NTM: variants seen among roughly 807,000 people sequenced by gnomAD.
NTM encodes neurotrimin, also known as IgLON family member 2.
Under a neutral mutation model 42.1 loss-of-function variants are expected in NTM, and 13 were observed. The observed-to-expected ratio is 0.31, with a 90% CI of 0.20 to 0.49. The LOEUF is 0.49. NTM is among the 20% of genes least tolerant of loss of function. The pLI, the probability that NTM is intolerant of heterozygous loss-of-function variation, is 0.99. For synonymous variants in NTM, 187 were observed against 179.2 expected (o/e 1.04, Z -0.35); for missense variants, 373 against 452.8 (o/e 0.82, Z 1.60).
At chr11:132,058,682 A>T (rs2080123625) in intron 2 of NTM, among the ~76,000 whole-genome samples, 1 of 152,200 alleles carries the variant, frequency 6.6e-6, no homozygotes, top group East Asian at 1.9e-4. Context: ...AGAAAGGAAG[A>T]GAAGATTTTA....
At chr11:131,448,230 T>C (rs1950215176) in intron 1 of NTM, among the ~76,000 whole-genome samples, 1 of 152,218 alleles carries the variant, frequency 6.6e-6, no homozygotes, top group African/African-American at 2.4e-5. Context: ...TTGCCCTGAG[T>C]GAGGGGTTGG....
chr11:131,610,222 T>C (rs565848692), intron 1 of NTM, among the ~76,000 whole-genome samples: 2 of 151,830 alleles, frequency 1.3e-5, no homozygotes, highest in South Asian at 4.2e-4. Context: ...AAGGGCGGAG[T>C]AAATGGAGTG....
intron 2 of NTM, among the ~76,000 whole-genome samples, chr11:131,965,029 G>T (rs112073316): frequency 6.6e-6 from 1 of 152,168 alleles, no homozygotes; most frequent in East Asian, 1.9e-4. Context: ...GGAGGATTAC[G>T]CTGGAACCTG....
intron 2 of NTM, among the ~76,000 whole-genome samples, chr11:132,093,617 T>C (rs2060621760): frequency 6.6e-6 from 1 of 152,222 alleles, no homozygotes; most frequent in Non-Finnish European, 1.5e-5. Context: ...CATTGTACCC[T>C]GAAATTCTCT....
intron 1 of NTM, among the ~76,000 whole-genome samples, chr11:131,393,572 C>G (rs1352617331): frequency 6.6e-6 from 1 of 152,204 alleles, no homozygotes; most frequent in East Asian, 1.9e-4. Flanking sequence ...GTGCTTCTTT[C>G]CTGGCCCCGT....
At chr11:132,236,778 A>G (rs1299974042) in intron 4 of NTM, among the ~76,000 whole-genome samples, 1 of 152,216 alleles carries the variant, frequency 6.6e-6, no homozygotes, top group Admixed American at 6.5e-5. Context: ...GTGGCAGTCT[A>G]ATCTCCCGGC....
intron 2 of NTM, among the ~76,000 whole-genome samples, chr11:131,988,492 C>T (rs2066451965): frequency 6.6e-6 from 1 of 152,176 alleles, no homozygotes. Flanking sequence ...TACAATGGAG[C>T]TATCCTTTGT....
chr11:132,307,833 C>G lies in NTM; in HGVS notation c.661+10C>G. On this transcript the variant is annotated intron_variant, in intron 5 of 8. Coordinates refer to ENST00000683400, the MANE Select transcript of NTM (RefSeq NM_001352005.2). Reference sequence around the variant, plus strand: ...AAGGTCACCGTGAACTGTAAGTGTTCTCACCACCACGCGCCCTGCACGTGC... The same window carrying G: ...AAGGTCACCGTGAACTGTAAGTGTTGTCACCACCACGCGCCCTGCACGTGC... 3 of 1,613,758 alleles carry G rather than the reference C, an allele frequency of 1.9e-6. No homozygotes were observed. Among genetic ancestry groups the G allele is most frequent in the Non-Finnish European group, 2.5e-6 (3 of 1,179,814 alleles).
At chr11:131,586,942 C>T (rs1054315281) in intron 1 of NTM, among the ~76,000 whole-genome samples, 3 of 152,124 alleles carry the variant, frequency 2.0e-5, no homozygotes, top group Admixed American at 1.3e-4. Flanking sequence ...AGGCAATCTA[C>T]TATATCAAAT....
At chr11:132,143,869 C>T (rs2069718333) in intron 2 of NTM, among the ~76,000 whole-genome samples, 1 of 152,146 alleles carries the variant, frequency 6.6e-6, no homozygotes, top group Admixed American at 6.5e-5. Context: ...AGGGAAGGTA[C>T]ACCCTTAGGT....
At chr11:131,814,299 A>G (rs2092858905) in intron 1 of NTM, among the ~76,000 whole-genome samples, 1 of 151,952 alleles carries the variant, frequency 6.6e-6, no homozygotes, top group South Asian at 2.1e-4. Flanking sequence ...CTGAATGCCT[A>G]GTTTACTTCC....
chr11:132,330,192 A>ATAT lies in NTM; in HGVS notation c.967+9_967+11dup. The ATAT allele has an allele frequency of 6.4e-7, 1 of 1,551,590 alleles. No homozygotes were observed. The highest frequency in any genetic ancestry group is 1.4e-5 in the African/African-American group (1 of 73,158). On this transcript the variant is annotated splice_region_variant and intron_variant, in intron 8 of 8. Transcript: ENST00000683400. Reference sequence around the variant, plus strand: ...GCCCTGACCCCTTGGAAAGGTTTGTATATTTTTCAGACAGCTGCTGCCTTG... The same window carrying ATAT: ...GCCCTGACCCCTTGGAAAGGTTTGTATATTATTTTTCAGACAGCTGCTGCCTTG...
intron 4 of NTM, among the ~76,000 whole-genome samples, chr11:132,283,806 G>T (rs1256349190): frequency 5.3e-5 from 8 of 152,102 alleles, no homozygotes; most frequent in Non-Finnish European, 7.3e-5. Flanking sequence ...TTCAATGGGG[G>T]GCTTTAGAGG....
At chr11:131,818,918 C>T (rs755640236) in intron 1 of NTM, among the ~76,000 whole-genome samples, 1 of 152,188 alleles carries the variant, frequency 6.6e-6, no homozygotes, top group Non-Finnish European at 1.5e-5. Context: ...GGTTGTTCTG[C>T]ATGAGTTCTG....
chr11:132,058,492 A>G (rs1594204238), intron 2 of NTM, among the ~76,000 whole-genome samples: 1 of 152,158 alleles, frequency 6.6e-6, no homozygotes, highest in African/African-American at 2.4e-5. Context: ...TCCCACTGCA[A>G]TGAGATGACT....
intron 1 of NTM, among the ~76,000 whole-genome samples, chr11:131,559,584 A>G (rs920959339): frequency 2.6e-5 from 4 of 152,220 alleles, no homozygotes; most frequent in African/African-American, 7.2e-5. Context: ...TTCAAAGGTC[A>G]TTATACCTGA....
intron 1 of NTM, among the ~76,000 whole-genome samples, chr11:131,883,882 T>C (rs2049945087): frequency 6.6e-6 from 1 of 152,198 alleles, no homozygotes; most frequent in Non-Finnish European, 1.5e-5. Flanking sequence ...CATGGCCAGA[T>C]GGCATTGAAT....
At chr11:131,784,801 C>T (rs562437986) in intron 1 of NTM, among the ~76,000 whole-genome samples, 2 of 152,266 alleles carry the variant, frequency 1.3e-5, no homozygotes, top group South Asian at 2.1e-4. Flanking sequence ...AGTTCACAAT[C>T]GTTCTAAATC....
At chr11:131,449,118 A>G (rs1375144729) in intron 1 of NTM, among the ~76,000 whole-genome samples, 1 of 152,228 alleles carries the variant, frequency 6.6e-6, no homozygotes, top group African/African-American at 2.4e-5. Flanking sequence ...CTTCTGAGCT[A>G]TAAATTGGCT....
Sources: gnomAD v4.1 joint callset for allele counts (sites outside exome capture counted in the v4.1 genomes callset) on GRCh38, gnomAD v4.1.1 for gene constraint, MANE v1.5 for transcripts, NCBI Gene and HGNC (gene_info 2026-07-23, HGNC 2026-07-21) for gene names.